Variants in CRTAC1 observed in about 807,000 individuals in gnomAD.
CRTAC1 encodes cartilage acidic protein 1, also known as acidic secreted protein in cartilage.
CRTAC1 carries 37 observed loss-of-function variants against 67.8 expected under a neutral mutation model. That is an observed-to-expected ratio of 0.55 (90% CI 0.42 to 0.72). The LOEUF (loss-of-function observed/expected upper bound fraction) is 0.72, where lower values mean the gene tolerates loss of function less well. Among genes scored for constraint, CRTAC1 ranks in the 30% least tolerant of loss-of-function variants. The probability of loss-of-function intolerance (pLI) is 0.00; values close to 1 mark genes in which losing one functional copy is unlikely to be tolerated. For synonymous variants in CRTAC1, 348 were observed against 371.0 expected (o/e 0.94, Z 0.71); for missense variants, 780 against 931.6 (o/e 0.84, Z 2.12).
rs964945134 is a variant in CRTAC1 at position 98,030,251 on chromosome 10, C to T, written c.24+198G>A. On this transcript the variant is annotated intron_variant, in intron 1 of 14. Transcript: ENST00000370597. The surrounding 1 kb of genome is among the most constrained non-coding windows in gnomAD (Gnocchi z 4.2). ...CCCGGCCGCCGCCTCACCCCCAGCC[C>T]GCGGGGGAGGCTCCGCGCGCCAATC... Among the ~76,000 whole-genome samples, 5 of 152,100 alleles carry T rather than the reference C, an allele frequency of 3.3e-5. No individual in the cohort carries two copies. Among genetic ancestry groups the T allele is most frequent in the African/African-American group, 9.7e-5 (4 of 41,438 alleles).
At chr10:97,880,467 C>G in intron 13 of CRTAC1, 75 bp from the exon 14 acceptor site, 1 of 1,561,494 alleles carries the variant, frequency 6.4e-7, no homozygotes, top group Non-Finnish European at 8.8e-7. Flanking sequence ...CCTGCCTATA[C>G]ACTGTCTGGC....
At chr10:97,997,646 A>G (rs777312648) in intron 2 of CRTAC1, among the ~76,000 whole-genome samples, 10 of 152,190 alleles carry the variant, frequency 6.6e-5, no homozygotes, top group Non-Finnish European at 8.8e-5. Context: ...TGTATGAAAT[A>G]TTTAAAGAAT....
intron 1 of CRTAC1, among the ~76,000 whole-genome samples, chr10:98,023,455 G>C (rs1024876393): frequency 9.9e-5 from 15 of 152,206 alleles, no homozygotes; most frequent in Non-Finnish European, 1.9e-4. Context: ...TGCCATGCTA[G>C]GCACTGAATT....
intron 2 of CRTAC1, among the ~76,000 whole-genome samples, chr10:97,959,971 A>T (rs1472465272): frequency 1.3e-5 from 2 of 152,266 alleles, no homozygotes; most frequent in Non-Finnish European, 2.9e-5. Flanking sequence ...CAGGGTTTTT[A>T]CTTGGGGCTG....
intron 1 of CRTAC1, among the ~76,000 whole-genome samples, chr10:98,012,871 C>T (rs1842933602): frequency 6.6e-6 from 1 of 152,090 alleles, no homozygotes; most frequent in African/African-American, 2.4e-5. Flanking sequence ...TGAGGTCATT[C>T]CAAATTACAG....
rs1452505028 is a variant in CRTAC1 at position 98,030,343 on chromosome 10, T to TC, written c.24+105dup. On this transcript the variant is annotated intron_variant, in intron 1 of 14. Coordinates refer to ENST00000370597, the MANE Select transcript of CRTAC1 (RefSeq NM_018058.7). The surrounding 1 kb of genome is among the most constrained non-coding windows in gnomAD (Gnocchi z 4.2). Reference sequence around the variant, plus strand: ...CTTCGCGATCCCAGTCTTCCCGGGTTCCCGGGCGGCGTCCCCGCCACCCTT... The same window carrying TC: ...CTTCGCGATCCCAGTCTTCCCGGGTTCCCCGGGCGGCGTCCCCGCCACCCTT... The TC allele has an allele frequency of 5.8e-6, 4 of 690,740 alleles. No homozygotes were observed. The East Asian group carries it at 1.4e-4, about 24-fold the overall frequency. 42.8% of individuals were successfully genotyped at this position (690,740 alleles called of 1,614,324 possible). A position where few individuals can be genotyped will look rare whatever the true frequency, so the allele number is the denominator to read the frequency against.
At chr10:98,008,241 G>C (rs1842833260) in intron 2 of CRTAC1, among the ~76,000 whole-genome samples, 1 of 152,214 alleles carries the variant, frequency 6.6e-6, no homozygotes, top group Non-Finnish European at 1.5e-5. Context: ...AATGCAACCT[G>C]TGCCTACTAT....
intron 2 of CRTAC1, among the ~76,000 whole-genome samples, chr10:97,982,903 A>G (rs2051917069): frequency 6.6e-6 from 1 of 152,248 alleles, no homozygotes; most frequent in South Asian, 2.1e-4. Context: ...ATTAACAAAC[A>G]GCTTTTTAAT....
chr10:97,873,229 G>A (rs1285792075), intron 14 of CRTAC1, among the ~76,000 whole-genome samples: 2 of 152,144 alleles, frequency 1.3e-5, no homozygotes, highest in African/African-American at 4.8e-5. Flanking sequence ...AGTGTGAAGG[G>A]AAAATTTTAA....
At chr10:97,901,270 T>A (rs1265496754) in intron 8 of CRTAC1, among the ~76,000 whole-genome samples, 4 of 152,240 alleles carry the variant, frequency 2.6e-5, no homozygotes. Flanking sequence ...TCCCTTTCCC[T>A]GCAATAGCAG....
intron 2 of CRTAC1, among the ~76,000 whole-genome samples, chr10:97,939,408 A>G (rs1408782431): frequency 1.3e-5 from 2 of 152,136 alleles, no homozygotes; most frequent in Non-Finnish European, 2.9e-5. Context: ...CTAAACTGAC[A>G]TGGTAGCTTG....
intron 1 of CRTAC1, among the ~76,000 whole-genome samples, chr10:98,017,249 C>T (rs1195193139): frequency 6.6e-6 from 1 of 152,158 alleles, no homozygotes; most frequent in Non-Finnish European, 1.5e-5. Context: ...CCAGCCTTTG[C>T]CTTCAAGGAG....
intron 7 of CRTAC1, 75 bp from the exon 8 acceptor site, chr10:97,901,714 G>A (rs1385030292): frequency 7.7e-6 from 12 of 1,557,808 alleles, no homozygotes. Flanking sequence ...TCTATGGAGT[G>A]TGGGGGCAAT....
intron 11 of CRTAC1, among the ~76,000 whole-genome samples, chr10:97,886,143 G>A (rs552410269): frequency 4.5e-4 from 68 of 152,268 alleles, no homozygotes; most frequent in African/African-American, 1.4e-3. Flanking sequence ...CATGGAGGAA[G>A]GGAGCCGGGT....
intron 2 of CRTAC1, among the ~76,000 whole-genome samples, chr10:97,971,999 T>A (rs1363821421): frequency 6.6e-6 from 1 of 152,088 alleles, no homozygotes; most frequent in Non-Finnish European, 1.5e-5. Flanking sequence ...TGCCTAGTTG[T>A]CTAAACTGAG....
At chr10:97,996,978 C>T (rs867700665) in intron 2 of CRTAC1, among the ~76,000 whole-genome samples, 1,883 of 149,532 alleles carry the variant, frequency 0.013, 42 homozygotes, top group African/African-American at 0.044. Context: ...AGTAAACTAT[C>T]GCAAGGACAA....
chr10:97,912,916 T>C (rs1416153833), intron 5 of CRTAC1, among the ~76,000 whole-genome samples: 1 of 152,174 alleles, frequency 6.6e-6, no homozygotes, highest in East Asian at 1.9e-4. Flanking sequence ...CTGATTCCTG[T>C]GCCCATCTAG....
chr10:97,917,922 C>T (rs531029853), intron 4 of CRTAC1, among the ~76,000 whole-genome samples: 2 of 152,314 alleles, frequency 1.3e-5, no homozygotes, highest in Non-Finnish European at 2.9e-5. Context: ...ACACACCCCT[C>T]CCTCTCCCCC....
chr10:97,949,824 C>A, intron 2 of CRTAC1, among the ~76,000 whole-genome samples: 1 of 152,214 alleles, frequency 6.6e-6, no homozygotes, highest in Non-Finnish European at 1.5e-5. Context: ...AGATCAGCTT[C>A]CAGGCCATAG....
Sources: allele counts gnomAD v4.1 joint callset (sites outside exome capture counted in the v4.1 genomes callset), GRCh38; gene constraint gnomAD v4.1.1; non-coding constraint Gnocchi (gnomAD v3.1); transcripts MANE v1.5; gene names NCBI Gene and HGNC (gene_info 2026-07-23, HGNC 2026-07-21).